EDN3: variants seen among roughly 807,000 people sequenced by gnomAD.
EDN3 encodes the protein endothelin-3.
Under a neutral mutation model 21.4 loss-of-function variants are expected in EDN3, and 9 were observed. That is an observed-to-expected ratio of 0.42 (90% CI 0.25 to 0.73). The LOEUF (loss-of-function observed/expected upper bound fraction) is 0.73, where lower values mean the gene tolerates loss of function less well. EDN3 is among the 30% of genes least tolerant of loss of function. The pLI, the probability that EDN3 is intolerant of heterozygous loss-of-function variation, is 0.26. For synonymous variants in EDN3, 133 were observed against 126.2 expected, an observed-to-expected ratio of 1.05 and a Z score of -0.36; for missense variants, 327 against 309.4, an observed-to-expected ratio of 1.06 and a Z score of -0.43.
rs1379437364 is a variant in EDN3, at chr20:59,301,620, C to G, written c.263C>G (p.Ala88Gly). 3 of 1,613,976 alleles carry G rather than the reference C, an allele frequency of 1.9e-6. No homozygotes were observed. The highest frequency in any genetic ancestry group is 1.7e-5 in the Admixed American group (1 of 60,004). Residue 88 changes from alanine to glycine, a missense_variant, in exon 2 of 5, where the codon GCC becomes GGC. Coordinates refer to ENST00000337938, the MANE Select transcript of EDN3 (RefSeq NM_207034.3). ...GGGCAGGAGCAGGCGGCCGAGGGGG[C>G]CCCTGAGCACCACCGATCCAGGCGC... ...SPGQEQAAEGAPEHHRSRRCT... is the reference protein window; with the variant it reads ...SPGQEQAAEGGPEHHRSRRCT...
At chr20:59,316,264 A>T (rs1049816590) in intron 2 of EDN3, among the ~76,000 whole-genome samples, 6 of 152,240 alleles carry the variant, frequency 3.9e-5, no homozygotes, top group Admixed American at 1.3e-4. Flanking sequence ...GTACTGGATT[A>T]AAAGTGTATG....
At chr20:59,314,851 C>G (rs1478981244) in intron 2 of EDN3, among the ~76,000 whole-genome samples, 2 of 152,198 alleles carry the variant, frequency 1.3e-5, no homozygotes, top group African/African-American at 2.4e-5. Context: ...CTGGTCCTAT[C>G]CCTCCCCTTT....
chr20:59,321,042 A>C lies in EDN3; in HGVS notation c.391A>C (p.Asn131His). The part of the protein sequence containing the change: ...PEQTVPYGLS[N>H]YRGSFRGKRS... ...ACAGACGGTGCCCTATGGACTGTCC[A>C]ACTACAGAGGAAGCTTCCGGGGCAA... The change falls in exon 3 of 5, where the codon AAC (asparagine) becomes CAC (histidine). Residue 131 changes from asparagine (N) to histidine (H), a missense_variant. Asn to His is a moderately conservative substitution (Grantham distance 68). Coordinates refer to ENST00000337938, the MANE Select transcript of EDN3 (RefSeq NM_207034.3). 6.2e-7 allele frequency: 1 copy of C among 1,614,206 alleles called. No homozygotes were observed. Among genetic ancestry groups the C allele is most frequent in the Non-Finnish European group, 8.5e-7 (1 of 1,180,024 alleles).
In EDN3 at chr20:59,301,435, G is replaced by A. The variant is rs1989010445; in HGVS notation, c.78G>A (p.Gly26=). Residue 26 remains glycine, a synonymous_variant, in exon 2 of 5, where the codon GGG becomes GGA. Coordinates refer to ENST00000337938, the MANE Select transcript of EDN3 (RefSeq NM_207034.3). ...AAGFVPCSQS[G]DAGRRGVSQA... is the part of the protein sequence containing the mutation. ...GATTCGTGCCTTGCTCCCAGTCTGGGGATGCTGGCAGGCGCGGCGTGTCCC... is the reference window on the plus strand; with the variant it reads ...GATTCGTGCCTTGCTCCCAGTCTGGAGATGCTGGCAGGCGCGGCGTGTCCC... 6.2e-7 allele frequency: 1 copy of A among 1,612,680 alleles called. No individual in the cohort carries two copies. Among genetic ancestry groups the A allele is most frequent in the Non-Finnish European group, 8.5e-7 (1 of 1,180,028 alleles).
rs1388394552 is a variant in EDN3, at chr20:59,325,739, C to T, written c.*1280C>T. On this transcript the variant is annotated 3_prime_UTR_variant, in exon 5 of 5. Transcript: ENST00000337938. Reference sequence around the variant, plus strand: ...CGATTATTTATTGTGAAACTGTTCTCCACTCCAACTCCTTTATGTGGATCT... The same window carrying T: ...CGATTATTTATTGTGAAACTGTTCTTCACTCCAACTCCTTTATGTGGATCT... The T allele has an allele frequency of 6.6e-6, 1 of 152,160 alleles. No homozygotes were observed. The highest frequency in any genetic ancestry group is 1.5e-5 in the Non-Finnish European group (1 of 68,026). 9.4% of individuals were successfully genotyped at this position (152,160 alleles called of 1,614,324 possible). A position where few individuals can be genotyped will look rare whatever the true frequency, so the allele number is the denominator to read the frequency against.
At chr20:59,308,986 G>A (rs888726286) in intron 2 of EDN3, among the ~76,000 whole-genome samples, 1 of 152,236 alleles carries the variant, frequency 6.6e-6, no homozygotes, top group Non-Finnish European at 1.5e-5. Flanking sequence ...GGGAAAAGGT[G>A]TGCCTGGCTG....
intron 2 of EDN3, among the ~76,000 whole-genome samples, chr20:59,319,290 G>A (rs1177533652): frequency 6.6e-6 from 1 of 152,154 alleles, no homozygotes; most frequent in Admixed American, 6.5e-5. Context: ...AGGGAGGCGG[G>A]GGCGGGGGAC....
At chr20:59,307,801 C>G (rs897989410) in intron 2 of EDN3, among the ~76,000 whole-genome samples, 3 of 151,736 alleles carry the variant, frequency 2.0e-5, no homozygotes, top group East Asian at 1.9e-4. Context: ...CTCAGCCTCC[C>G]GAGTAGCTGG....
rs1990120165 is a variant in EDN3 at position 59,315,561 on chromosome 20, T to C, written c.366-5456T>C. On this transcript the variant is annotated intron_variant, in intron 2 of 4. Coordinates refer to ENST00000337938, the MANE Select transcript of EDN3 (RefSeq NM_207034.3). ...AATGAAAACAACACCTCTATTTAAATGAAACAACGCCTCTATCTGTAAAGA... is the reference window on the plus strand; with the variant it reads ...AATGAAAACAACACCTCTATTTAAACGAAACAACGCCTCTATCTGTAAAGA... Among the ~76,000 whole-genome samples the C allele has an allele frequency of 2.6e-5, 4 of 152,208 alleles. No individual in the cohort carries two copies. The South Asian group carries it at 8.3e-4, about 32-fold the overall frequency.
At position 59,301,529 on chromosome 20, in the gene EDN3, G is replaced by C; in HGVS notation, c.172G>C (p.Val58Leu). 6 of 1,613,606 alleles carry C rather than the reference G, an allele frequency of 3.7e-6. No individual in the cohort carries two copies. Among genetic ancestry groups the C allele is most frequent in the Non-Finnish European group, 5.1e-6 (6 of 1,179,902 alleles). ...TGTGGCTGGCCCTGGCGAGGAGACT[G>C]TGGCTGGCCCTGGCGAGGGGACTGT... Reference protein sequence around the residue: ...ETVAGPGEETVAGPGEGTVAP... With the variant: ...ETVAGPGEETLAGPGEGTVAP... The change falls in exon 2 of 5, where the codon GTG becomes CTG. Residue 58 changes from valine to leucine, a missense_variant. Coordinates refer to ENST00000337938, the MANE Select transcript of EDN3 (RefSeq NM_207034.3).
chr20:59,319,743 GA>G (rs1233422772), intron 2 of EDN3, among the ~76,000 whole-genome samples: 23 of 137,708 alleles, frequency 1.7e-4, no homozygotes, highest in East Asian at 4.1e-4. Context: ...AAAAAAAAAA[GA>G]AAAAAAAGAA....
At chr20:59,319,432 G>T (rs1990386320) in intron 2 of EDN3, among the ~76,000 whole-genome samples, 1 of 152,198 alleles carries the variant, frequency 6.6e-6, no homozygotes, top group Non-Finnish European at 1.5e-5. Flanking sequence ...GCAGCGAGGG[G>T]CTGGGCATGG....
intron 2 of EDN3, among the ~76,000 whole-genome samples, chr20:59,308,786 A>G (rs916072003): frequency 1.3e-5 from 2 of 152,206 alleles, no homozygotes; most frequent in Non-Finnish European, 2.9e-5. Flanking sequence ...TCCTCCTGCC[A>G]TATCCAATCC....
intron 2 of EDN3, among the ~76,000 whole-genome samples, chr20:59,310,348 C>T (rs1353618095): frequency 6.6e-6 from 1 of 152,214 alleles, no homozygotes; most frequent in South Asian, 2.1e-4. Flanking sequence ...AGACTTTTGC[C>T]CACTTTGGAA....
intron 2 of EDN3, among the ~76,000 whole-genome samples, chr20:59,311,481 C>T (rs11570301): frequency 0.018 from 2,740 of 152,190 alleles, 35 homozygotes; most frequent in Non-Finnish European, 0.024. Flanking sequence ...TGAGGTTCCC[C>T]CTTCCTAGAC....
chr20:59,316,578 A>G (rs1181727266), intron 2 of EDN3, among the ~76,000 whole-genome samples: 5 of 152,244 alleles, frequency 3.3e-5, no homozygotes, highest in African/African-American at 1.2e-4. Context: ...ACGGAACTTA[A>G]AAACAGAATC....
chr20:59,303,938 T>C (rs1245235251), intron 2 of EDN3, among the ~76,000 whole-genome samples: 2 of 152,162 alleles, frequency 1.3e-5, no homozygotes, highest in South Asian at 2.1e-4. Flanking sequence ...AAAACGACAA[T>C]AGCCAGACTT....
rs774307682 is a variant in EDN3, at chr20:59,301,520, G to A, written c.163G>A (p.Glu55Lys). Residue 55 changes from glutamate to lysine, a missense_variant, in exon 2 of 5, where the codon GAG (glutamate) becomes AAG (lysine). By Grantham distance (56) the Glu-to-Lys change is moderately conservative. Coordinates refer to ENST00000337938, the MANE Select transcript of EDN3 (RefSeq NM_207034.3). ...TGAAGAGACTGTGGCTGGCCCTGGC[G>A]AGGAGACTGTGGCTGGCCCTGGCGA... ...DCEETVAGPG[E>K]ETVAGPGEGT... The A allele has an allele frequency of 2.5e-6, 4 of 1,612,826 alleles. No individual in the cohort carries two copies. Among genetic ancestry groups the A allele is most frequent in the Non-Finnish European group, 2.5e-6 (3 of 1,179,738 alleles).
Position 59,300,649 on chromosome 20 carries a change from G to C in EDN3, c.-164G>C. ...CAGCGCGCTCTGAAAGTTTATGACC[G>C]CCGCAGCCAACTCCTGGCCGGAGCT... On this transcript the variant is annotated 5_prime_UTR_variant, in exon 1 of 5. Coordinates refer to ENST00000337938, the MANE Select transcript of EDN3 (RefSeq NM_207034.3). 1.5e-6 allele frequency: 1 copy of C among 672,034 alleles called. No homozygotes were observed. Among genetic ancestry groups the C allele is most frequent in the Non-Finnish European group, 2.5e-6 (1 of 398,888 alleles). The allele number at this position is 672,034 out of a possible 1,614,324, so 41.6% of individuals were successfully genotyped here.
Sources: gnomAD v4.1 joint callset for allele counts (sites outside exome capture counted in the v4.1 genomes callset) on GRCh38, gnomAD v4.1.1 for gene constraint, MANE v1.5 for transcripts, NCBI Gene and HGNC (gene_info 2026-07-23, HGNC 2026-07-21) for gene names.